The following SLC25A22 variants were observed in gnomAD, a reference collection of about 807,000 sequenced individuals.
SLC25A22 encodes solute carrier family 25 member 22.
Under a neutral mutation model 33.7 loss-of-function variants are expected in SLC25A22, and 23 were observed. The ratio of observed to expected loss-of-function variants is 0.68; its 90% CI spans 0.49 to 0.97. SLC25A22 has a LOEUF of 0.97. SLC25A22 is among the 50% of genes least tolerant of loss of function. SLC25A22 has a pLI of 0.00. For synonymous variants in SLC25A22, 245 were observed against 203.8 expected (o/e 1.20, Z -1.72); for missense variants, 390 against 451.1 (o/e 0.86, Z 1.23).
rs1317363958 is a variant in SLC25A22, at chr11:792,284, G to C, written c.742+20C>G. The C allele has an allele frequency of 3.1e-6, 5 of 1,612,978 alleles. No homozygotes were observed. In the Admixed American group the frequency reaches 8.3e-5, roughly 27 times the overall value. Reference sequence around the variant, plus strand: ...TCAGTCCCGCCCCATCCCCAGCCGGGCGCCATCCCATGCACTGACCATCAC... The same window carrying C: ...TCAGTCCCGCCCCATCCCCAGCCGGCCGCCATCCCATGCACTGACCATCAC... On this transcript the variant is annotated intron_variant, in intron 8 of 9. Coordinates refer to ENST00000628067, the MANE Select transcript of SLC25A22 (RefSeq NM_001191061.2).
intron 4 of SLC25A22, chr11:794,058 C>T (rs187831210): frequency 6.7e-5 from 33 of 494,530 alleles, no homozygotes; most frequent in Non-Finnish European, 1.2e-4. Flanking sequence ...GCCGAAGGCT[C>T]AGGGCTGGAG....
In SLC25A22 at chr11:792,678, C is replaced by A. The variant is rs955053926; in HGVS notation, c.462G>T (p.Gly154=). The A allele has an allele frequency of 5.8e-6, 9 of 1,559,770 alleles. No homozygotes were observed. The East Asian group carries it at 7.1e-5, about 12-fold the overall frequency. ...LAAQGQLSAQ[G]GAQPSVEAPA... ...GAGCCTCCACTGAGGGCTGGGCACC[C>A]CCCTGGGCCGAGAGCTGGCCCTGGG... is the stretch of plus-strand genomic sequence containing the variant. Residue 154 remains glycine, a synonymous_variant, in exon 7 of 10, where the codon GGG becomes GGT. Coordinates refer to ENST00000628067, the MANE Select transcript of SLC25A22 (RefSeq NM_001191061.2).
At chr11:793,806 C>A in intron 4 of SLC25A22, 187 bp from the exon 5 acceptor site, 1 of 620,984 alleles carries the variant, frequency 1.6e-6, no homozygotes, top group Non-Finnish European at 2.9e-6. Context: ...TGGGGCAGCA[C>A]CTCAGGCTCA....
In SLC25A22 at chr11:793,097, G is replaced by A. The variant is rs959980503; in HGVS notation, c.294-109C>T. 9 of 1,044,372 alleles carry A rather than the reference G, an allele frequency of 8.6e-6. No individual in the cohort carries two copies. The African/African-American group carries it at 9.4e-5, about 11-fold the overall frequency. 64.7% of individuals were successfully genotyped at this position (1,044,372 alleles called of 1,614,324 possible). A position where few individuals can be genotyped will look rare whatever the true frequency, so the allele number is the denominator to read the frequency against. On this transcript the variant is annotated intron_variant, in intron 5 of 9. Transcript: ENST00000628067. ...GAGGATGGTGGGAGCCGTGGAGGCAGATGCAGGCCTGTGGGGGTACAGCCC... is the reference window on the plus strand; with the variant it reads ...GAGGATGGTGGGAGCCGTGGAGGCAAATGCAGGCCTGTGGGGGTACAGCCC...
chr11:797,952 C>T (rs1383783412), intron 1 of SLC25A22: 1 of 398,292 alleles, frequency 2.5e-6, no homozygotes, highest in Admixed American at 4.4e-5. Flanking sequence ...GCCTTTCTTC[C>T]TTGGGCTCGG....
Position 791,505 on chromosome 11 carries a change from A to C in SLC25A22, c.*410T>G. The C allele has an allele frequency of 4.1e-6, 1 of 245,842 alleles. No homozygotes were observed. The highest frequency in any genetic ancestry group is 8.0e-6 in the Non-Finnish European group (1 of 124,680). 15.2% of individuals were successfully genotyped at this position (245,842 alleles called of 1,614,324 possible). On this transcript the variant is annotated 3_prime_UTR_variant, in exon 10 of 10. Transcript: ENST00000628067. ...CTTGGGTCCAGCAGATTCAATAAAT[A>C]GGTTTGTGTGGGGTGCCTGTGTGGG... is the stretch of plus-strand genomic sequence containing the variant.
chr11:791,974 C>A lies in SLC25A22; in HGVS notation c.913G>T (p.Val305Phe). 6.2e-7 allele frequency: 1 copy of A among 1,608,816 alleles called. No individual in the cohort carries two copies. The highest frequency in any genetic ancestry group is 8.5e-7 in the Non-Finnish European group (1 of 1,179,560). ...IAPLFGIAQV[V>F]YFLGIAESLL... ...GACTCCGCGATGCCCAGGAAGTAGA[C>A]CACCTGTGCGATGCCGAAAAGGGGC... The change falls in exon 10 of 10, where the codon GTC becomes TTC. Residue 305 changes from valine (V) to phenylalanine (F), a missense_variant. Physicochemically the swap from Val to Phe is conservative, Grantham distance 50. Transcript: ENST00000628067.
chr11:791,911 G>A lies in SLC25A22; in HGVS notation c.*4C>T. 1 of 1,593,146 alleles carries A rather than the reference G, an allele frequency of 6.3e-7. No homozygotes were observed. The highest frequency in any genetic ancestry group is 8.5e-7 in the Non-Finnish European group (1 of 1,176,466). The stretch of plus-strand genomic sequence containing the variant: ...AGCTGGCTGGGGTGGAGCGGGTGCT[G>A]GGCTCAGGCCTGGGGGTCCTGCAGC... On this transcript the variant is annotated 3_prime_UTR_variant, in exon 10 of 10. Transcript: ENST00000628067.
At position 794,820 on chromosome 11, in the gene SLC25A22, G is replaced by A; in HGVS notation, c.102C>T (p.Thr34=). 6.3e-7 allele frequency: 1 copy of A among 1,596,190 alleles called. No homozygotes were observed. The part of the protein sequence containing the change: ...TCVFPIDLAK[T]RLQNQQNGQR... Reference sequence around the variant, plus strand: ...GGCCGTTCTGCTGGTTCTGCAGCCTGGTCTTGGCCAGGTCGATGGGAAACA... The same window carrying A: ...GGCCGTTCTGCTGGTTCTGCAGCCTAGTCTTGGCCAGGTCGATGGGAAACA... Residue 34 remains threonine, a synonymous_variant, in exon 3 of 10, where the codon ACC becomes ACT. Coordinates refer to ENST00000628067, the MANE Select transcript of SLC25A22 (RefSeq NM_001191061.2).
Position 791,938 on chromosome 11 carries a change from GC to G in SLC25A22, c.948del (p.Leu317CysfsTer57). On this transcript the variant is annotated frameshift_variant, in exon 10 of 10. Transcript: ENST00000628067. LOFTEE classifies it high-confidence loss of function. ...YFLGIAESLLGLLQDPQA is the reference protein window; with the variant it reads ...YFLGIAESLLXLLQDPQA The stretch of plus-strand genomic sequence containing the variant: ...GCTCAGGCCTGGGGGTCCTGCAGCA[GC>G]CCCAGCAGGGACTCCGCGATGCCCA... 6.2e-7 allele frequency: 1 copy of G among 1,602,360 alleles called. No individual in the cohort carries two copies. The highest frequency in any genetic ancestry group is 8.5e-7 in the Non-Finnish European group (1 of 1,179,338).
rs200493024 is a variant in SLC25A22 at position 792,233 on chromosome 11, G to A, written c.743-16C>T. ...GTCTTCACCACTGCAAGGGGCGCTCGGGTCAGTGTGAGCCTGGCCAAGGGC... is the reference window on the plus strand; with the variant it reads ...GTCTTCACCACTGCAAGGGGCGCTCAGGTCAGTGTGAGCCTGGCCAAGGGC... On this transcript the variant is annotated splice_polypyrimidine_tract_variant and intron_variant, in intron 8 of 9. Coordinates refer to ENST00000628067, the MANE Select transcript of SLC25A22 (RefSeq NM_001191061.2). The A allele has an allele frequency of 1.0e-4, 168 of 1,612,954 alleles. 2 individuals are homozygous for A. In the East Asian group the frequency reaches 2.1e-3, roughly 20 times the overall value.
intron 1 of SLC25A22, chr11:795,422 T>TC (rs1565041409): frequency 6.1e-6 from 2 of 329,740 alleles, no homozygotes; most frequent in Non-Finnish European, 1.1e-5. Flanking sequence ...CCGCTCACGC[T>TC]CGGGGCTCAC....
chr11:797,059 T>A (rs913078210), intron 1 of SLC25A22, among the ~76,000 whole-genome samples: 1 of 152,106 alleles, frequency 6.6e-6, no homozygotes, highest in African/African-American at 2.4e-5. Flanking sequence ...CTCCAGGGAC[T>A]GAGCAACCCC....
In SLC25A22 at chr11:795,141, TC is replaced by T; in HGVS notation, c.-136del. Reference sequence around the variant, plus strand: ...GTGGTGCTCCACCTTCAGGGGAATTTCCAGGCGTCAGCAACCGCCACTTCTG... The same window carrying T: ...GTGGTGCTCCACCTTCAGGGGAATTTCAGGCGTCAGCAACCGCCACTTCTG... On this transcript the variant is annotated 5_prime_UTR_variant, in exon 2 of 10. Coordinates refer to ENST00000628067, the MANE Select transcript of SLC25A22 (RefSeq NM_001191061.2). 1.8e-6 allele frequency: 2 copies of T among 1,130,344 alleles called. No homozygotes were observed. Among genetic ancestry groups the T allele is most frequent in the Non-Finnish European group, 1.3e-6 (1 of 778,212 alleles). The allele number at this position is 1,130,344 out of a possible 1,614,324, so 70.0% of individuals were successfully genotyped here.
intron 5 of SLC25A22, 43 bp from the exon 6 acceptor site, chr11:793,031 C>T: frequency 6.3e-7 from 1 of 1,585,464 alleles, no homozygotes; most frequent in Non-Finnish European, 8.6e-7. Context: ...AGAGACAGGT[C>T]TACCTGCCAC....
intron 5 of SLC25A22, 28 bp from the exon 6 acceptor site, chr11:793,016 T>C (rs369105038): frequency 4.5e-5 from 72 of 1,605,892 alleles, no homozygotes; most frequent in Non-Finnish European, 5.9e-5. Flanking sequence ...CCGCAGTAAG[T>C]GGGAAGAGAC....
At position 793,002 on chromosome 11, in the gene SLC25A22, G is replaced by A. The variant is rs200362178; in HGVS notation, c.294-14C>T. 4.5e-5 allele frequency: 72 copies of A among 1,611,630 alleles called. No homozygotes were observed. Among genetic ancestry groups the A allele is most frequent in the South Asian group, 8.8e-5 (8 of 90,924 alleles). ...GTCAGCTTCTGCCTGTGGTAGGGGC[G>A]GGGCCGCAGTAAGTGGGAAGAGACA... On this transcript the variant is annotated splice_polypyrimidine_tract_variant and intron_variant, in intron 5 of 9. Transcript: ENST00000628067.
In SLC25A22 at chr11:794,717, C is replaced by T. The variant is rs1015499175; in HGVS notation, c.146+59G>A. On this transcript the variant is annotated intron_variant, in intron 3 of 9. Transcript: ENST00000628067. ...GGGTGGGGGGCACAGGAGCAGAGCC[C>T]CCACCTCTCCTGCTGCCACATGCTG... The T allele has an allele frequency of 5.7e-6, 9 of 1,574,522 alleles. No homozygotes were observed. The African/African-American group carries it at 8.1e-5, about 14-fold the overall frequency.
rs1565034856 is a variant in SLC25A22, at chr11:792,004, T to TGACCAGCGCGCGGC, written c.869_882dup (p.Ile295AlafsTer84). The TGACCAGCGCGCGGC allele has an allele frequency of 6.2e-7, 1 of 1,608,740 alleles. No individual in the cohort carries two copies. The highest frequency in any genetic ancestry group is 2.2e-5 in the East Asian group (1 of 44,648). ...TGTGCGATGCCGAAAAGGGGCGCGA[T>TGACCAGCGCGCGGC]GACCAGCGCGCGGCAGTAGGCGCCC... On this transcript the variant is annotated frameshift_variant, in exon 10 of 10. Coordinates refer to ENST00000628067, the MANE Select transcript of SLC25A22 (RefSeq NM_001191061.2). LOFTEE classifies it high-confidence loss of function.
Sources: gnomAD v4.1 joint callset for allele counts (sites outside exome capture counted in the v4.1 genomes callset) on GRCh38, gnomAD v4.1.1 for gene constraint, MANE v1.5 for transcripts, NCBI Gene and HGNC (gene_info 2026-07-23, HGNC 2026-07-21) for gene names.